Variants in LRMDA observed in about 807,000 individuals in gnomAD.
The protein encoded by LRMDA is leucine-rich melanocyte differentiation-associated protein.
Under a neutral mutation model 29.8 loss-of-function variants are expected in LRMDA, and 18 were observed. The ratio of observed to expected loss-of-function variants is 0.60; its 90% CI spans 0.42 to 0.90. LRMDA has a LOEUF of 0.90. Among genes scored for constraint, LRMDA ranks in the 40% least tolerant of loss-of-function variants. The pLI, the probability that LRMDA is intolerant of heterozygous loss-of-function variation, is 0.00. For missense variants in LRMDA, 273 were observed against 273.9 expected (o/e 1.00, Z 0.02); for synonymous variants, 125 against 109.4 (o/e 1.14, Z -0.89).
rs545618813 is a variant in LRMDA, at chr10:76,482,016, A to G, written c.602-75193A>G. 3.9e-5 allele frequency among the ~76,000 whole-genome samples: 6 copies of G among 152,024 alleles called. No individual in the cohort carries two copies. The South Asian group carries it at 1.2e-3, about 32-fold the overall frequency. On this transcript the variant is annotated intron_variant, in intron 6 of 6. Coordinates refer to ENST00000611255, the MANE Select transcript of LRMDA (RefSeq NM_001305581.2). The stretch of plus-strand genomic sequence containing the variant: ...TTCAGGAACCTCCCAGTTAAACAGA[A>G]ATCATTATCATTCTTGTGTCAACAC...
At chr10:75,533,805 A>G (rs1342944906) in intron 2 of LRMDA, among the ~76,000 whole-genome samples, 1 of 152,212 alleles carries the variant, frequency 6.6e-6, no homozygotes, top group African/African-American at 2.4e-5. Context: ...ACGATATTCC[A>G]CAGAGTGCAG....
chr10:76,159,919 A>T (rs1850612714), intron 5 of LRMDA, among the ~76,000 whole-genome samples: 2 of 152,156 alleles, frequency 1.3e-5, no homozygotes, highest in South Asian at 4.1e-4. Flanking sequence ...TTTGGGGGGC[A>T]GTAAAAATAC....
intron 2 of LRMDA, among the ~76,000 whole-genome samples, chr10:75,881,376 G>A (rs1482714473): frequency 6.6e-6 from 1 of 152,134 alleles, no homozygotes; most frequent in African/African-American, 2.4e-5. Flanking sequence ...TGGAGGCAGG[G>A]AACCTAACGC....
At chr10:75,586,557 C>G (rs1027973151) in intron 2 of LRMDA, among the ~76,000 whole-genome samples, 3 of 151,790 alleles carry the variant, frequency 2.0e-5, no homozygotes, top group Non-Finnish European at 4.4e-5. Context: ...AGGGCTTCAC[C>G]GTGTTGTCCT....
intron 2 of LRMDA, among the ~76,000 whole-genome samples, chr10:75,627,976 T>C (rs780287038): frequency 1.3e-5 from 2 of 152,212 alleles, no homozygotes; most frequent in Non-Finnish European, 2.9e-5. Flanking sequence ...TCTGTCTTGG[T>C]CAACATATCT....
At chr10:75,854,117 T>C (rs1844780114) in intron 2 of LRMDA, among the ~76,000 whole-genome samples, 1 of 152,166 alleles carries the variant, frequency 6.6e-6, no homozygotes. Flanking sequence ...TTGTTGATTG[T>C]TGGACATGCT....
At chr10:76,536,922 T>C (rs1299660320) in intron 6 of LRMDA, among the ~76,000 whole-genome samples, 1 of 152,216 alleles carries the variant, frequency 6.6e-6, no homozygotes, top group African/African-American at 2.4e-5. Flanking sequence ...TGGTGCATGG[T>C]AATTTTTCTA....
chr10:76,068,290 C>A lies in LRMDA; in HGVS notation c.516+9507C>A, dbSNP rs573473049. Among the ~76,000 whole-genome samples the A allele has an allele frequency of 3.3e-5, 5 of 152,308 alleles. No homozygotes were observed. In the South Asian group the frequency reaches 8.3e-4, roughly 25 times the overall value. On this transcript the variant is annotated intron_variant, in intron 5 of 6. Transcript: ENST00000611255. ...AATGTTTCTGATACTTAACATTTACCTGATCTTTTTGTTGTTCCCAAAAGC... is the reference window on the plus strand; with the variant it reads ...AATGTTTCTGATACTTAACATTTACATGATCTTTTTGTTGTTCCCAAAAGC...
At chr10:75,702,542 T>G (rs1027971824) in intron 2 of LRMDA, among the ~76,000 whole-genome samples, 2 of 152,060 alleles carry the variant, frequency 1.3e-5, no homozygotes, top group African/African-American at 4.8e-5. Flanking sequence ...CAGGTCTGAG[T>G]ACCGAGGCCA....
chr10:76,297,446 GC>G, intron 5 of LRMDA, among the ~76,000 whole-genome samples: 1 of 152,328 alleles, frequency 6.6e-6, no homozygotes, highest in South Asian at 2.1e-4. Context: ...TGAAGTTAAA[GC>G]AGAAGAGAAC....
chr10:75,759,152 C>T (rs555055182), intron 2 of LRMDA, among the ~76,000 whole-genome samples: 2 of 152,286 alleles, frequency 1.3e-5, no homozygotes, highest in Middle Eastern at 6.8e-3. Flanking sequence ...TAAAGGTTAG[C>T]AAATTCCGTA....
intron 5 of LRMDA, among the ~76,000 whole-genome samples, chr10:76,166,119 C>A (rs1157708410): frequency 6.6e-6 from 1 of 152,148 alleles, no homozygotes; most frequent in Admixed American, 6.5e-5. Flanking sequence ...ACCCACTGAT[C>A]ATTTGTCCGA....
chr10:75,888,219 GA>G (rs1033611625), intron 2 of LRMDA, among the ~76,000 whole-genome samples: 4 of 151,904 alleles, frequency 2.6e-5, no homozygotes, highest in Non-Finnish European at 2.9e-5. Flanking sequence ...CAGTACTGAA[GA>G]AAAAAAGAGA....
intron 2 of LRMDA, among the ~76,000 whole-genome samples, chr10:76,004,979 G>A (rs1455263104): frequency 5.3e-5 from 8 of 151,842 alleles, no homozygotes; most frequent in Admixed American, 3.3e-4. Context: ...CACCCACCTC[G>A]GCCTCCCAAA....
intron 6 of LRMDA, among the ~76,000 whole-genome samples, chr10:76,536,802 C>T (rs1843296333): frequency 6.6e-6 from 1 of 152,100 alleles, no homozygotes; most frequent in African/African-American, 2.4e-5. Context: ...GCTATGTTCC[C>T]CTTTATAATT....
intron 2 of LRMDA, among the ~76,000 whole-genome samples, chr10:75,644,608 C>T (rs981136121): frequency 3.3e-5 from 5 of 152,060 alleles, no homozygotes; most frequent in East Asian, 1.9e-4. Flanking sequence ...GTGGCTGAGC[C>T]GGCTGGGTTG....
At chr10:76,273,160 TC>T (rs34136282) in intron 5 of LRMDA, among the ~76,000 whole-genome samples, 9,603 of 152,188 alleles carry the variant, frequency 0.063, 817 homozygotes, top group African/African-American at 0.2. Context: ...ATATATGATA[TC>T]CCTGTTCCCA....
At chr10:76,363,753 C>T (rs560719390) in intron 6 of LRMDA, among the ~76,000 whole-genome samples, 16 of 151,834 alleles carry the variant, frequency 1.1e-4, no homozygotes, top group Admixed American at 2.6e-4. Context: ...TTCTTAAAGG[C>T]GAAGTTATTT....
At chr10:75,885,176 G>A (rs1663919002) in intron 2 of LRMDA, among the ~76,000 whole-genome samples, 1 of 152,316 alleles carries the variant, frequency 6.6e-6, no homozygotes, top group Middle Eastern at 3.4e-3. Context: ...AGGCCTCTCA[G>A]GCATTGCTGT....
Sources: gnomAD v4.1 joint callset for allele counts (sites outside exome capture counted in the v4.1 genomes callset) on GRCh38, gnomAD v4.1.1 for gene constraint, MANE v1.5 for transcripts, NCBI Gene and HGNC (gene_info 2026-07-23, HGNC 2026-07-21) for gene names.